The following PCDHGB1 variants were observed in gnomAD, a reference collection of about 807,000 sequenced individuals.
PCDHGB1 encodes protocadherin gamma subfamily B, 1, also known as protocadherin gamma-B1.
Under a neutral mutation model 56.6 loss-of-function variants are expected in PCDHGB1, and 34 were observed. The observed-to-expected ratio is 0.60, with a 90% CI of 0.46 to 0.80. PCDHGB1 has a LOEUF of 0.80. Among genes scored for constraint, PCDHGB1 ranks in the 30% least tolerant of loss-of-function variants. The pLI, the probability that PCDHGB1 is intolerant of heterozygous loss-of-function variation, is 0.00. For synonymous variants in PCDHGB1, 561 were observed against 505.9 expected (o/e 1.11, Z -1.46); for missense variants, 1,278 against 1,204.6 (o/e 1.06, Z -0.90).
At chr5:141,423,470 A>C (rs904433654) in intron 1 of PCDHGB1, 54 of 1,613,884 alleles carry the variant, frequency 3.3e-5, no homozygotes, top group Non-Finnish European at 4.3e-5. Context: ...GACGGGGTAC[A>C]GGCTTTCCTG....
At chr5:141,462,596 A>G (rs1260411284) in intron 1 of PCDHGB1, among the ~76,000 whole-genome samples, 5 of 151,922 alleles carry the variant, frequency 3.3e-5, no homozygotes, top group African/African-American at 1.2e-4. Flanking sequence ...TTTCCATTTC[A>G]TATATTGTAT....
chr5:141,433,208 CTTTT>C (rs745329085), intron 1 of PCDHGB1: 3 of 1,293,778 alleles, frequency 2.3e-6, no homozygotes, highest in African/African-American at 1.5e-5. Flanking sequence ...AATCTTCTTT[CTTTT>C]TTTTTTTTAA....
chr5:141,407,589 C>G (rs1305349867), intron 1 of PCDHGB1, among the ~76,000 whole-genome samples: 1 of 151,660 alleles, frequency 6.6e-6, no homozygotes, highest in Non-Finnish European at 1.5e-5. Context: ...ACCTTAATGT[C>G]TCATCTTAAA....
intron 1 of PCDHGB1, among the ~76,000 whole-genome samples, chr5:141,472,994 A>AAAAG (rs1425445230): frequency 1.3e-5 from 2 of 151,692 alleles, no homozygotes; most frequent in Non-Finnish European, 2.9e-5. Context: ...AAAAAAAAAA[A>AAAAG]AAAGAAAGAA....
At chr5:141,384,259 C>A in intron 1 of PCDHGB1, 1 of 1,613,886 alleles carries the variant, frequency 6.2e-7, no homozygotes, top group Non-Finnish European at 8.5e-7. Flanking sequence ...CACCTTCCCC[C>A]ACTCATCCTA....
rs747156698 is a variant in PCDHGB1 at position 141,385,112 on chromosome 5, C to T, written c.2409+32443C>T. ...GGTGGCTTGGCGAACGTGCCCACCT[C>T]GCACTTTGTGGGCATGGACGGGGTG... On this transcript the variant is annotated intron_variant, in intron 1 of 3. Coordinates refer to ENST00000523390, the MANE Select transcript of PCDHGB1 (RefSeq NM_018922.3). 6 of 1,614,200 alleles carry T rather than the reference C, an allele frequency of 3.7e-6. No homozygotes were observed. The highest frequency in any genetic ancestry group is 2.7e-5 in the African/African-American group (2 of 75,070).
At chr5:141,364,718 T>G in intron 1 of PCDHGB1, 1 of 1,613,968 alleles carries the variant, frequency 6.2e-7, no homozygotes, top group Non-Finnish European at 8.5e-7. Flanking sequence ...TAATGATAAC[T>G]TCCCGCGTTT....
rs750827454 is a variant in PCDHGB1, at chr5:141,394,736, C to T, written c.2409+42067C>T. The stretch of plus-strand genomic sequence containing the variant: ...TGGACAGAGATGCGCTCAAGCAGAG[C>T]CTCGTGGTGGCCGTCCAGGACCATG... On this transcript the variant is annotated intron_variant, in intron 1 of 3. Transcript: ENST00000523390. 13 of 1,613,338 alleles carry T rather than the reference C, an allele frequency of 8.1e-6. No homozygotes were observed. The African/African-American group carries it at 1.5e-4, about 18-fold the overall frequency.
chr5:141,437,938 A>G (rs1042890704), intron 1 of PCDHGB1, among the ~76,000 whole-genome samples: 4 of 152,132 alleles, frequency 2.6e-5, no homozygotes, highest in African/African-American at 9.7e-5. Flanking sequence ...GGGTTTCACC[A>G]TATTGGCCAG....
chr5:141,479,020 T>C (rs961123768), intron 1 of PCDHGB1, among the ~76,000 whole-genome samples: 1 of 152,236 alleles, frequency 6.6e-6, no homozygotes, highest in African/African-American at 2.4e-5. Flanking sequence ...ATAATTTTCC[T>C]TTGTTTATAC....
chr5:141,511,453 T>G lies in PCDHGB1; in HGVS notation c.*280T>G. 1.7e-6 allele frequency: 1 copy of G among 595,822 alleles called. No individual in the cohort carries two copies. Among genetic ancestry groups the G allele is most frequent in the Non-Finnish European group, 2.8e-6 (1 of 360,062 alleles). 36.9% of individuals were successfully genotyped at this position (595,822 alleles called of 1,614,324 possible). ...GGTTACTGTAGACACCAAGAACCATTTGCCACACCCCGTTTAGTTACAGCT... is the reference window on the plus strand; with the variant it reads ...GGTTACTGTAGACACCAAGAACCATGTGCCACACCCCGTTTAGTTACAGCT... On this transcript the variant is annotated 3_prime_UTR_variant, in exon 4 of 4. Transcript: ENST00000523390.
chr5:141,482,530 C>CAAAAAAAAAAA (rs3074545), intron 1 of PCDHGB1, among the ~76,000 whole-genome samples: 21 of 76,546 alleles, frequency 2.7e-4, no homozygotes, highest in African/African-American at 4.8e-4. Context: ...GACAGACATG[C>CAAAAAAAAAAA]AAAAAAAAAA....
intron 1 of PCDHGB1, chr5:141,478,647 T>G (rs2099469515): frequency 6.4e-7 from 1 of 1,552,152 alleles, no homozygotes; most frequent in Non-Finnish European, 8.7e-7. Flanking sequence ...GAAGATGTTT[T>G]CCTGGTGATG....
chr5:141,403,992 T>G, intron 1 of PCDHGB1: 2 of 1,613,848 alleles, frequency 1.2e-6, no homozygotes, highest in South Asian at 2.2e-5. Flanking sequence ...AGACCTGAAG[T>G]GACCATTACA....
intron 1 of PCDHGB1, chr5:141,427,774 G>C: frequency 7.0e-7 from 1 of 1,420,908 alleles, no homozygotes; most frequent in Non-Finnish European, 9.8e-7. Context: ...TTGGAGCTGC[G>C]GGCACTGTCG....
At chr5:141,394,577 G>A (rs757579320) in intron 1 of PCDHGB1, 5 of 1,613,986 alleles carry the variant, frequency 3.1e-6, no homozygotes, top group South Asian at 1.1e-5. Context: ...GCTACCTGGT[G>A]ACCAAGGTGG....
chr5:141,504,379 G>A lies in PCDHGB1; in HGVS notation c.2469-1014G>A, dbSNP rs181617363. On this transcript the variant is annotated intron_variant, in intron 2 of 3. Transcript: ENST00000523390. ...GCTTCAGTAGGAAGCAGGTGGAGTC[G>A]CTGCCTCACAGAAGCCAGTGTGGTG... Among the ~76,000 whole-genome samples the A allele has an allele frequency of 2.4e-3, 361 of 152,206 alleles. 1 individual carries two copies. The highest frequency in any genetic ancestry group is 0.021 in the Admixed American group (315 of 15,286).
At chr5:141,363,183 T>C (rs6890708) in intron 1 of PCDHGB1, among the ~76,000 whole-genome samples, 3,287 of 152,342 alleles carry the variant, frequency 0.022, 57 homozygotes, top group Non-Finnish European at 0.033. Context: ...TTTTAACAAA[T>C]TGCTCTTAAG....
chr5:141,498,104 C>T (rs530844708), intron 2 of PCDHGB1, among the ~76,000 whole-genome samples: 2 of 152,106 alleles, frequency 1.3e-5, no homozygotes, highest in African/African-American at 4.8e-5. Context: ...GTGGTGTGGG[C>T]GTATAATAGG....
Sources: gnomAD v4.1 joint callset for allele counts (sites outside exome capture counted in the v4.1 genomes callset) on GRCh38, gnomAD v4.1.1 for gene constraint, MANE v1.5 for transcripts, NCBI Gene and HGNC (gene_info 2026-07-23, HGNC 2026-07-21) for gene names.